The following PLEKHM2 variants were observed in gnomAD, a reference collection of about 807,000 sequenced individuals.
The protein encoded by PLEKHM2 is pleckstrin homology and RUN domain containing M2, also known as pleckstrin homology domain-containing family M member 2.
A neutral mutation model predicts 116.3 loss-of-function variants in PLEKHM2; 77 were observed. That is an observed-to-expected ratio of 0.66 (90% CI 0.55 to 0.80). The LOEUF is 0.80. Among genes scored for constraint, PLEKHM2 ranks in the 30% least tolerant of loss-of-function variants. PLEKHM2 has a pLI of 0.00. For missense variants in PLEKHM2, 1,183 were observed against 1,354.9 expected, an observed-to-expected ratio of 0.87 and a Z score of 1.99; for synonymous variants, 562 against 571.0, an observed-to-expected ratio of 0.98 and a Z score of 0.22.
At chr1:15,711,674 G>A (rs1641333887) in intron 1 of PLEKHM2, among the ~76,000 whole-genome samples, 1 of 151,632 alleles carries the variant, frequency 6.6e-6, no homozygotes, top group Non-Finnish European at 1.5e-5. Flanking sequence ...TGGGAAAAAT[G>A]GGAAACTATA....
intron 1 of PLEKHM2, among the ~76,000 whole-genome samples, chr1:15,709,133 C>T (rs543013113): frequency 6.6e-6 from 1 of 152,300 alleles, no homozygotes; most frequent in Admixed American, 6.5e-5. Context: ...GCTCTGCCAC[C>T]GTCCTGATGC....
In PLEKHM2 at chr1:15,727,729, C is replaced by T. The variant is rs779924518; in HGVS notation, c.1657C>T (p.Leu553Phe). The stretch of plus-strand genomic sequence containing the variant: ...TGGGACCCAGGAGGTTCTCTGCCAG[C>T]TCAAGCGAGACCAGCCCAGCCCGTG... ...EPGTQEVLCQLKRDQPSPCLS... is the reference protein window; with the variant it reads ...EPGTQEVLCQFKRDQPSPCLS... The change falls in exon 9 of 20, where the codon CTC (leucine) becomes TTC (phenylalanine). Residue 553 changes from leucine (L) to phenylalanine (F), a missense_variant. Leu to Phe is a conservative substitution (Grantham distance 22). This residue lies in a region of PLEKHM2 where 594 missense variants were observed against 720.1 expected (regional missense o/e 0.82). Transcript: ENST00000375799. This position sits in a 1 kb window ranked among gnomAD's most constrained non-coding sequence, Gnocchi z 7.5. 6.3e-7 allele frequency: 1 copy of T among 1,599,480 alleles called. No homozygotes were observed.
chr1:15,709,576 G>A (rs1641289299), intron 1 of PLEKHM2, among the ~76,000 whole-genome samples: 1 of 152,170 alleles, frequency 6.6e-6, no homozygotes, highest in African/African-American at 2.4e-5. Flanking sequence ...GGGTTAGAGA[G>A]TTAAGTAATT....
chr1:15,688,292 T>C (rs1399384390), intron 1 of PLEKHM2, among the ~76,000 whole-genome samples: 1 of 152,216 alleles, frequency 6.6e-6, no homozygotes, highest in African/African-American at 2.4e-5. Flanking sequence ...TGTTCTGATA[T>C]GGACACAGAA....
rs1207127927 is a variant in PLEKHM2 at position 15,721,557 on chromosome 1, C to T, written c.712+169C>T. 6.6e-6 allele frequency among the ~76,000 whole-genome samples: 1 copy of T among 152,176 alleles called. No individual in the cohort carries two copies. Among genetic ancestry groups the T allele is most frequent in the Non-Finnish European group, 1.5e-5 (1 of 68,032 alleles). On this transcript the variant is annotated intron_variant, in intron 7 of 19. Coordinates refer to ENST00000375799, the MANE Select transcript of PLEKHM2 (RefSeq NM_015164.4). This position sits in a 1 kb window ranked among gnomAD's most constrained non-coding sequence, Gnocchi z 5.1. ...GAATTCTGCAGTGGGAAAACTCAAC[C>T]TCTAGCCATAGGCAAATCCCTTCTC...
chr1:15,719,666 C>A lies in PLEKHM2; in HGVS notation c.466-68C>A. ...ACATCTGTGTCTCCCAGGCCTGGAT[C>A]CTGCTGTCTGCAGAAGGCCGCTGCA... On this transcript the variant is annotated intron_variant, in intron 5 of 19. Coordinates refer to ENST00000375799, the MANE Select transcript of PLEKHM2 (RefSeq NM_015164.4). The surrounding 1 kb of genome is among the most constrained non-coding windows in gnomAD (Gnocchi z 4.1). 1 of 1,067,436 alleles carries A rather than the reference C, an allele frequency of 9.4e-7. No individual in the cohort carries two copies. The highest frequency in any genetic ancestry group is 1.4e-5 in the South Asian group (1 of 70,948). 66.1% of individuals were successfully genotyped at this position (1,067,436 alleles called of 1,614,324 possible). A position where few individuals can be genotyped will look rare whatever the true frequency, so the allele number is the denominator to read the frequency against.
Position 15,719,777 on chromosome 1 carries a change from AC to A in PLEKHM2, c.510del (p.Tyr170Ter). 6.2e-7 allele frequency: 1 copy of A among 1,613,622 alleles called. No homozygotes were observed. Among genetic ancestry groups the A allele is most frequent in the Non-Finnish European group, 8.5e-7 (1 of 1,179,718 alleles). On this transcript the variant is annotated frameshift_variant, in exon 6 of 20. Coordinates refer to ENST00000375799, the MANE Select transcript of PLEKHM2 (RefSeq NM_015164.4). LOFTEE classifies it high-confidence loss of function. This position sits in a 1 kb window ranked among gnomAD's most constrained non-coding sequence, Gnocchi z 4.1. ...CTGGCCCCCTACATGCCCGACTACT[AC>A]AAACCTCAGTACCTGCTGGACTTTG... Reference protein sequence around the residue: ...LDLAPYMPDYYKPQYLLDFED... With the variant: ...LDLAPYMPDYXKPQYLLDFED...
chr1:15,704,298 G>GTCCC (rs886774594), intron 1 of PLEKHM2, among the ~76,000 whole-genome samples: 1 of 151,166 alleles, frequency 6.6e-6, no homozygotes, highest in East Asian at 2.0e-4. Context: ...CACTCCCTCC[G>GTCCC]TCCCTCCCTC....
intron 1 of PLEKHM2, among the ~76,000 whole-genome samples, chr1:15,687,870 G>C (rs555307285): frequency 2.0e-5 from 3 of 152,194 alleles, no homozygotes; most frequent in African/African-American, 7.2e-5. Flanking sequence ...ACCAGTAAAT[G>C]GTCTTACTGG....
Position 15,729,210 on chromosome 1 carries a change from C to T in PLEKHM2, c.2075+20C>T, listed in dbSNP as rs1469594572. On this transcript the variant is annotated intron_variant, in intron 13 of 19. Transcript: ENST00000375799. This position sits in a 1 kb window ranked among gnomAD's most constrained non-coding sequence, Gnocchi z 4.7. ...GGCTGAGTGAGTGGCAACCCCGCCC[C>T]TCTGGAAGGATTGGAGAGTTCGCAG... 2 of 1,595,802 alleles carry T rather than the reference C, an allele frequency of 1.3e-6. No individual in the cohort carries two copies. The highest frequency in any genetic ancestry group is 3.5e-5 in the Admixed American group (2 of 57,502).
At position 15,686,648 on chromosome 1, in the gene PLEKHM2, A is replaced by ATTTTTTTTTTTTTTTTTTT. The variant is rs1233033159; in HGVS notation, c.60+2048_60+2049insTTTTTTTTTTTTTTTTTTT. 6.3e-4 allele frequency among the ~76,000 whole-genome samples: 85 copies of ATTTTTTTTTTTTTTTTTTT among 134,190 alleles called. 4 individuals carry two copies. Among genetic ancestry groups the ATTTTTTTTTTTTTTTTTTT allele is most frequent in the African/African-American group, 2.5e-3 (84 of 33,656 alleles). The allele number at this position is 134,190 out of a possible 152,430, so 88.0% of individuals were successfully genotyped here. Reference sequence around the variant, plus strand: ...GGTGTGCGCCACCACACCCGGCTAAATTTTTTTTTTTTTTTTTTGAGACGG... The same window carrying ATTTTTTTTTTTTTTTTTTT: ...GGTGTGCGCCACCACACCCGGCTAAATTTTTTTTTTTTTTTTTTTTTTTTTTTTTTTTTTTTTGAGACGG... On this transcript the variant is annotated intron_variant, in intron 1 of 19. Transcript: ENST00000375799.
chr1:15,727,322 T>A lies in PLEKHM2; in HGVS notation c.1250T>A (p.Leu417His). The change falls in exon 9 of 20, where the codon CTC (leucine) becomes CAC (histidine). Residue 417 changes from leucine (L) to histidine (H), a missense_variant. Transcript: ENST00000375799. The surrounding 1 kb of genome is among the most constrained non-coding windows in gnomAD (Gnocchi z 7.5). ...CCCCTGAGCAAGGTTATCGACCAGC[T>A]CAACGGGCAGCTGGACCCCAGCACC... is the stretch of plus-strand genomic sequence containing the variant. ...GQPLSKVIDQ[L>H]NGQLDPSTWC... is the part of the protein sequence containing the mutation. 1 of 1,599,722 alleles carries A rather than the reference T, an allele frequency of 6.3e-7. No individual in the cohort carries two copies. The highest frequency in any genetic ancestry group is 8.5e-7 in the Non-Finnish European group (1 of 1,174,090).
At chr1:15,716,179 C>CT in intron 1 of PLEKHM2, 58 bp from the exon 2 acceptor site, 2 of 1,099,612 alleles carry the variant, frequency 1.8e-6, no homozygotes, top group Non-Finnish European at 2.6e-6. Context: ...GATTCCAGAA[C>CT]TTTTGTAGCC....
chr1:15,694,336 G>A (rs933397016), intron 1 of PLEKHM2, among the ~76,000 whole-genome samples: 10 of 151,396 alleles, frequency 6.6e-5, no homozygotes, highest in Non-Finnish European at 1.0e-4. Flanking sequence ...GCGACAGAGC[G>A]AGACTCCATC....
chr1:15,707,829 A>G (rs1424756836), intron 1 of PLEKHM2, among the ~76,000 whole-genome samples: 2 of 152,232 alleles, frequency 1.3e-5, no homozygotes, highest in Non-Finnish European at 2.9e-5. Context: ...CTGTCTTCCA[A>G]GAAGCAGAAC....
Position 15,732,395 on chromosome 1 carries a change from C to A in PLEKHM2, c.2671C>A (p.Leu891Met), listed in dbSNP as rs2068157019. Residue 891 changes from leucine (L) to methionine (M), a missense_variant, in exon 18 of 20, where the codon CTG becomes ATG. Leu to Met is a conservative substitution (Grantham distance 15, BLOSUM62 2). Coordinates refer to ENST00000375799, the MANE Select transcript of PLEKHM2 (RefSeq NM_015164.4). ...VAPSPCIPCCLVLTDDRLFTC... is the reference protein window; with the variant it reads ...VAPSPCIPCCMVLTDDRLFTC... Reference sequence around the variant, plus strand: ...TCCCAGCCCCTGCATACCCTGCTGCCTGGTCCTCACGGATGACCGCCTCTT... The same window carrying A: ...TCCCAGCCCCTGCATACCCTGCTGCATGGTCCTCACGGATGACCGCCTCTT... 7 of 1,564,786 alleles carry A rather than the reference C, an allele frequency of 4.5e-6. No homozygotes were observed. The South Asian group carries it at 8.2e-5, about 18-fold the overall frequency.
rs1385246324 is a variant in PLEKHM2, at chr1:15,684,608, C to T, written c.50C>T (p.Ser17Leu). ...CGGATCCTGGAGAACATCTCGCTGT[C>T]GGTGAAGAAGGTGAGCGCGGCCTCC... ...KDRILENISLSVKKLQSYFAA... is the reference protein window; with the variant it reads ...KDRILENISLLVKKLQSYFAA... The change falls in exon 1 of 20, where the codon TCG becomes TTG. Residue 17 changes from serine to leucine, a missense_variant. Coordinates refer to ENST00000375799, the MANE Select transcript of PLEKHM2 (RefSeq NM_015164.4). 26 of 1,311,522 alleles carry T rather than the reference C, an allele frequency of 2.0e-5. No homozygotes were observed. Among genetic ancestry groups the T allele is most frequent in the African/African-American group, 3.1e-5 (2 of 65,258 alleles). The allele number at this position is 1,311,522 out of a possible 1,614,324, so 81.2% of individuals were successfully genotyped here.
At chr1:15,695,717 G>A (rs977639126) in intron 1 of PLEKHM2, among the ~76,000 whole-genome samples, 3 of 151,950 alleles carry the variant, frequency 2.0e-5, no homozygotes, top group African/African-American at 7.3e-5. Flanking sequence ...TCACCATGTT[G>A]GCCAGGCTGG....
At position 15,728,835 on chromosome 1, in the gene PLEKHM2, C is replaced by A; in HGVS notation, c.1986+102C>A. 8.8e-7 allele frequency: 1 copy of A among 1,137,920 alleles called. No homozygotes were observed. The highest frequency in any genetic ancestry group is 1.3e-5 in the South Asian group (1 of 74,676). The allele number at this position is 1,137,920 out of a possible 1,614,324, so 70.5% of individuals were successfully genotyped here. ...GCGAGGCACGGCCCCTTACTCCCCT[C>A]CCGGGGTTGGGCACCAACTTAACTC... On this transcript the variant is annotated intron_variant, in intron 12 of 19. Coordinates refer to ENST00000375799, the MANE Select transcript of PLEKHM2 (RefSeq NM_015164.4). This position sits in a 1 kb window ranked among gnomAD's most constrained non-coding sequence, Gnocchi z 5.9.
Sources: allele counts gnomAD v4.1 joint callset (sites outside exome capture counted in the v4.1 genomes callset), GRCh38; gene constraint gnomAD v4.1.1; regional missense constraint gnomAD v4.1.1; non-coding constraint Gnocchi (gnomAD v3.1); transcripts MANE v1.5; gene names NCBI Gene and HGNC (gene_info 2026-07-23, HGNC 2026-07-21).